The following BTBD3 variants were observed in gnomAD, a reference collection of about 807,000 sequenced individuals.
BTBD3 encodes the protein BTB domain containing 3.
A neutral mutation model predicts 41.6 loss-of-function variants in BTBD3; 14 were observed. The ratio of observed to expected loss-of-function variants is 0.34; its 90% CI spans 0.22 to 0.53. The LOEUF (loss-of-function observed/expected upper bound fraction) is 0.53. Ranked by LOEUF, BTBD3 falls within the 20% of genes least tolerant of loss-of-function variation. The pLI, the probability that BTBD3 is intolerant of heterozygous loss-of-function variation, is 0.95. For synonymous variants in BTBD3, 249 were observed against 233.7 expected (o/e 1.07, Z -0.60); for missense variants, 426 against 654.7 (o/e 0.65, Z 3.81).
chr20:11,920,366 C>T (rs1224806719), intron 3 of BTBD3, among the ~76,000 whole-genome samples: 1 of 152,100 alleles, frequency 6.6e-6, no homozygotes, highest in East Asian at 1.9e-4. Flanking sequence ...AAATCAGACA[C>T]TCTCAAGGGT....
intron 1 of BTBD3, 91 bp downstream of exon 1, chr20:11,918,692 C>A: frequency 1.5e-6 from 2 of 1,338,442 alleles, no homozygotes; most frequent in South Asian, 1.5e-5. Flanking sequence ...GAACACAAAT[C>A]TGTTTCCTCT....
intron 1 of BTBD3, among the ~76,000 whole-genome samples, chr20:11,892,161 G>C (rs996469240): frequency 6.6e-6 from 1 of 152,208 alleles, no homozygotes; most frequent in Non-Finnish European, 1.5e-5. Context: ...AGGGAGGGAA[G>C]CGTCTCTAAC....
intron 1 of BTBD3, among the ~76,000 whole-genome samples, chr20:11,898,412 G>A (rs1317272801): frequency 6.6e-6 from 1 of 152,104 alleles, no homozygotes; most frequent in African/African-American, 2.4e-5. Flanking sequence ...TTTTGTCTGT[G>A]CGATTACTCT....
At chr20:11,894,410 T>C (rs1227815896) in intron 1 of BTBD3, among the ~76,000 whole-genome samples, 1 of 152,214 alleles carries the variant, frequency 6.6e-6, no homozygotes, top group Non-Finnish European at 1.5e-5. Flanking sequence ...GGTCTACCTG[T>C]AGTGTGTCAG....
intron 1 of BTBD3, among the ~76,000 whole-genome samples, chr20:11,896,444 G>A (rs2056787741): frequency 6.6e-6 from 1 of 152,122 alleles, no homozygotes; most frequent in Non-Finnish European, 1.5e-5. Context: ...AAATAGTTAT[G>A]ACTTTTATTT....
intron 1 of BTBD3, among the ~76,000 whole-genome samples, chr20:11,911,145 GAA>G (rs33983800): frequency 6.6e-6 from 1 of 150,522 alleles, no homozygotes; most frequent in African/African-American, 2.4e-5. Context: ...GCTAAGAAAG[GAA>G]AAAAAAAAGC....
In BTBD3 at chr20:11,918,438, T is replaced by C. The variant is rs2056936255; in HGVS notation, c.163T>C (p.Leu55=). ...LPPVCYEIIT[L]KTKKKKMAAD... ...ACCAGTTTGTTATGAAATAATTACC[T>C]TGAAGACTAAAAAGAAGAAGATGGC... is the stretch of plus-strand genomic sequence containing the variant. The change falls in exon 1 of 4, where the codon TTG becomes CTG. Residue 55 remains leucine, a synonymous_variant. Transcript: ENST00000378226. 1 of 1,614,028 alleles carries C rather than the reference T, an allele frequency of 6.2e-7. No homozygotes were observed. Among genetic ancestry groups the C allele is most frequent in the African/African-American group, 1.3e-5 (1 of 74,922 alleles).
chr20:11,896,771 C>T (rs1343608015), intron 1 of BTBD3, among the ~76,000 whole-genome samples: 1 of 152,132 alleles, frequency 6.6e-6, no homozygotes, highest in Non-Finnish European at 1.5e-5. Context: ...ATTTGAGTCC[C>T]AAATATTAAA....
chr20:11,897,172 G>T (rs777539052), intron 1 of BTBD3, among the ~76,000 whole-genome samples: 6 of 152,032 alleles, frequency 3.9e-5, no homozygotes, highest in Admixed American at 1.3e-4. Flanking sequence ...GTTCTCACCC[G>T]CCTGTTGTCA....
rs372988448 is a variant in BTBD3, at chr20:11,918,446, T to G, written c.171T>G (p.Thr57=). ...PVCYEIITLK[T]KKKKMAADIF... ...GTTATGAAATAATTACCTTGAAGAC[T>G]AAAAAGAAGAAGATGGCTGCTGATA... Residue 57 remains threonine, a synonymous_variant, in exon 1 of 4, where the codon ACT becomes ACG. Coordinates refer to ENST00000378226, the MANE Select transcript of BTBD3 (RefSeq NM_014962.4). 9.9e-5 allele frequency: 160 copies of G among 1,613,962 alleles called. No individual in the cohort carries two copies. The highest frequency in any genetic ancestry group is 1.3e-4 in the Non-Finnish European group (158 of 1,180,010).
At chr20:11,894,546 C>T (rs1000034732) in intron 1 of BTBD3, among the ~76,000 whole-genome samples, 14 of 151,622 alleles carry the variant, frequency 9.2e-5, no homozygotes, top group African/African-American at 3.4e-4. Flanking sequence ...GGAGCTCTCT[C>T]TTCTGGTACT....
intron 1 of BTBD3, among the ~76,000 whole-genome samples, chr20:11,903,599 TTGAC>T (rs2056836344): frequency 6.6e-6 from 1 of 152,088 alleles, no homozygotes; most frequent in Non-Finnish European, 1.5e-5. Flanking sequence ...GATTAGCTCT[TTGAC>T]TGTTCTTAAT....
At chr20:11,921,409 GT>G (rs1239795321) in intron 3 of BTBD3, among the ~76,000 whole-genome samples, 1 of 152,230 alleles carries the variant, frequency 6.6e-6, no homozygotes, top group Non-Finnish European at 1.5e-5. Flanking sequence ...TAGTGCTGTA[GT>G]TGTGAAAGCG....
At chr20:11,911,297 G>A (rs1277593775) in intron 1 of BTBD3, among the ~76,000 whole-genome samples, 1 of 152,160 alleles carries the variant, frequency 6.6e-6, no homozygotes, top group African/African-American at 2.4e-5. Context: ...CAGAGTTTTA[G>A]TTGGGTATTG....
chr20:11,910,239 A>C (rs568419957), intron 1 of BTBD3: 1 of 152,272 alleles, frequency 6.6e-6, no homozygotes, highest in Non-Finnish European at 1.5e-5. Flanking sequence ...AAAAAACAAA[A>C]AAAACTAATA....
chr20:11,891,938 A>C (rs2056757127), intron 1 of BTBD3, among the ~76,000 whole-genome samples: 1 of 152,190 alleles, frequency 6.6e-6, no homozygotes, highest in East Asian at 1.9e-4. Flanking sequence ...AAACTCTTAA[A>C]GCCCAATCGC....
rs1230432757 is a variant in BTBD3 at position 11,926,363 on chromosome 20, GTTTA to G, written c.*2700_*2703del. Reference sequence around the variant, plus strand: ...CATAATTATTGCACTGAACTTTTTTGTTTATTAAGGTGTTTAAATAAGCTCAGCT... The same window carrying G: ...CATAATTATTGCACTGAACTTTTTTGTTAAGGTGTTTAAATAAGCTCAGCT... On this transcript the variant is annotated 3_prime_UTR_variant, in exon 4 of 4. Coordinates refer to ENST00000378226, the MANE Select transcript of BTBD3 (RefSeq NM_014962.4). 6.6e-6 allele frequency: 1 copy of G among 152,520 alleles called. No homozygotes were observed. The highest frequency in any genetic ancestry group is 1.5e-5 in the Non-Finnish European group (1 of 68,010). 9.4% of individuals were successfully genotyped at this position (152,520 alleles called of 1,614,324 possible).
chr20:11,899,347 A>G (rs2056809892), intron 1 of BTBD3, among the ~76,000 whole-genome samples: 1 of 152,194 alleles, frequency 6.6e-6, no homozygotes, highest in Non-Finnish European at 1.5e-5. Context: ...CAATCCTTAT[A>G]GCAGTCATTT....
intron 1 of BTBD3, among the ~76,000 whole-genome samples, chr20:11,900,990 C>T (rs2122196667): frequency 6.6e-6 from 1 of 152,212 alleles, no homozygotes. Context: ...GGATTACAGG[C>T]TTGAGCCACC....
Sources: allele counts gnomAD v4.1 joint callset (sites outside exome capture counted in the v4.1 genomes callset), GRCh38; gene constraint gnomAD v4.1.1; transcripts MANE v1.5; gene names NCBI Gene and HGNC (gene_info 2026-07-23, HGNC 2026-07-21).